The following SHISA6 variants were observed in gnomAD, a reference collection of about 807,000 sequenced individuals.
The protein encoded by SHISA6 is shisa family member 6, also known as protein shisa-6.
SHISA6 carries 22 observed loss-of-function variants against 47.9 expected under a neutral mutation model. The observed-to-expected ratio is 0.46, with a 90% CI of 0.33 to 0.66. The LOEUF is 0.66. Ranked by LOEUF, SHISA6 falls within the 30% of genes least tolerant of loss-of-function variation. The pLI, the probability that SHISA6 is intolerant of heterozygous loss-of-function variation, is 0.02. For synonymous variants in SHISA6, 388 were observed against 337.8 expected (o/e 1.15, Z -1.63); for missense variants, 680 against 764.6 (o/e 0.89, Z 1.30).
At chr17:11,477,050 G>T (rs534522998) in intron 3 of SHISA6, among the ~76,000 whole-genome samples, 8 of 152,238 alleles carry the variant, frequency 5.3e-5, no homozygotes, top group Admixed American at 4.6e-4. Flanking sequence ...TTGCTCTGAA[G>T]TCTGCTCTGC....
chr17:11,497,338 T>C (rs2142343498), intron 3 of SHISA6, among the ~76,000 whole-genome samples: 1 of 152,220 alleles, frequency 6.6e-6, no homozygotes, highest in African/African-American at 2.4e-5. Context: ...AGTGATCTGA[T>C]TTATGGGTTA....
intron 2 of SHISA6, among the ~76,000 whole-genome samples, chr17:11,279,227 T>C (rs1694368917): frequency 6.6e-6 from 1 of 152,134 alleles, no homozygotes; most frequent in Non-Finnish European, 1.5e-5. Flanking sequence ...ACTGTCATCG[T>C]AGAAAGAGAG....
chr17:11,414,232 C>A (rs1168266506), intron 3 of SHISA6, among the ~76,000 whole-genome samples: 3 of 152,096 alleles, frequency 2.0e-5, no homozygotes, highest in African/African-American at 7.2e-5. Context: ...TAAAGACAGG[C>A]CAGGGAAGAA....
intron 3 of SHISA6, among the ~76,000 whole-genome samples, chr17:11,442,072 G>T (rs879862831): frequency 6.6e-6 from 1 of 152,154 alleles, no homozygotes; most frequent in Non-Finnish European, 1.5e-5. Flanking sequence ...CTTTTTCTGG[G>T]TGTATAGAGC....
chr17:11,397,337 A>T, intron 3 of SHISA6, among the ~76,000 whole-genome samples: 2 of 147,164 alleles, frequency 1.4e-5, no homozygotes, highest in African/African-American at 2.6e-5. Flanking sequence ...TAGTTGCATT[A>T]TTTCTACTTT....
intron 3 of SHISA6, among the ~76,000 whole-genome samples, chr17:11,398,750 G>A (rs909682586): frequency 2.6e-5 from 4 of 151,826 alleles, no homozygotes; most frequent in South Asian, 2.1e-4. Context: ...GTGCCACCAC[G>A]CCCAGCTAAT....
At chr17:11,260,535 G>A (rs1908193190) in intron 1 of SHISA6, among the ~76,000 whole-genome samples, 1 of 151,688 alleles carries the variant, frequency 6.6e-6, no homozygotes, top group Non-Finnish European at 1.5e-5. Flanking sequence ...CCCTTTCCCT[G>A]TCTCTTCTGA....
At chr17:11,408,031 T>C (rs1914014783) in intron 3 of SHISA6, among the ~76,000 whole-genome samples, 1 of 152,212 alleles carries the variant, frequency 6.6e-6, no homozygotes, top group African/African-American at 2.4e-5. Flanking sequence ...CTGATGTGCC[T>C]GGACCAGATA....
intron 2 of SHISA6, among the ~76,000 whole-genome samples, chr17:11,347,830 C>A (rs935701035): frequency 2.0e-5 from 3 of 152,110 alleles, no homozygotes; most frequent in Non-Finnish European, 4.4e-5. Context: ...GAGGTGACAG[C>A]TGAGGTCACT....
Position 11,343,608 on chromosome 17 carries a change from T to G in SHISA6, c.800-35806T>G, listed in dbSNP as rs145998953. On this transcript the variant is annotated intron_variant, in intron 2 of 5. Coordinates refer to ENST00000441885, the MANE Select transcript of SHISA6 (RefSeq NM_207386.4). ...GTTGATCCCCTGAGTCCCCTACCCT[T>G]TGGATGGGAGGTGGTTAAATCCATC... Among the ~76,000 whole-genome samples the G allele has an allele frequency of 8.2e-3, 1,255 of 152,280 alleles. 12 individuals carry two copies. The highest frequency in any genetic ancestry group is 0.024 in the African/African-American group (986 of 41,546).
intron 3 of SHISA6, among the ~76,000 whole-genome samples, chr17:11,388,731 G>T (rs1420157775): frequency 4.4e-5 from 6 of 137,100 alleles, no homozygotes; most frequent in Middle Eastern, 3.9e-3. Flanking sequence ...CAGAAGTAAA[G>T]ATGGGCCTGT....
chr17:11,403,131 T>C (rs779300950), intron 3 of SHISA6, among the ~76,000 whole-genome samples: 2 of 152,226 alleles, frequency 1.3e-5, no homozygotes, highest in Non-Finnish European at 2.9e-5. Flanking sequence ...GGGATATCCC[T>C]AAGACTTCAT....
At chr17:11,368,894 A>G (rs1451991405) in intron 2 of SHISA6, among the ~76,000 whole-genome samples, 1 of 152,128 alleles carries the variant, frequency 6.6e-6, no homozygotes, top group Non-Finnish European at 1.5e-5. Context: ...TGACTTCGTG[A>G]TCCGCCCACC....
intron 1 of SHISA6, among the ~76,000 whole-genome samples, chr17:11,244,842 G>C (rs1379026017): frequency 4.6e-5 from 7 of 152,276 alleles, no homozygotes; most frequent in Non-Finnish European, 7.4e-5. Flanking sequence ...GAAGATGATA[G>C]GTGGGCAGAC....
At chr17:11,442,495 C>T (rs1330899758) in intron 3 of SHISA6, among the ~76,000 whole-genome samples, 1 of 152,210 alleles carries the variant, frequency 6.6e-6, no homozygotes, top group African/African-American at 2.4e-5. Flanking sequence ...TCAGCCTTCA[C>T]AAGCTTAGAC....
chr17:11,460,548 T>C (rs910368496), intron 3 of SHISA6, among the ~76,000 whole-genome samples: 3 of 152,114 alleles, frequency 2.0e-5, no homozygotes, highest in African/African-American at 7.2e-5. Context: ...CCCACCACCA[T>C]GCCTGGCTAA....
chr17:11,471,210 GAAAA>G (rs10699970), intron 3 of SHISA6, among the ~76,000 whole-genome samples: 2 of 97,790 alleles, frequency 2.0e-5, no homozygotes, highest in Non-Finnish European at 2.1e-5. Context: ...CTCCATCTCA[GAAAA>G]AAAAAAAAAA....
chr17:11,435,749 A>T (rs891365676), intron 3 of SHISA6, among the ~76,000 whole-genome samples: 6 of 152,140 alleles, frequency 3.9e-5, no homozygotes, highest in Non-Finnish European at 8.8e-5. Context: ...TGCAGTTTTC[A>T]TCAAGTGTAT....
chr17:11,430,281 C>T (rs1457965855), intron 3 of SHISA6, among the ~76,000 whole-genome samples: 2 of 152,074 alleles, frequency 1.3e-5, no homozygotes, highest in Non-Finnish European at 1.5e-5. Context: ...TGTGATTGGA[C>T]GAGGCCACGA....
Sources: gnomAD v4.1 joint callset for allele counts (sites outside exome capture counted in the v4.1 genomes callset) on GRCh38, gnomAD v4.1.1 for gene constraint, MANE v1.5 for transcripts, NCBI Gene and HGNC (gene_info 2026-07-23, HGNC 2026-07-21) for gene names.